Variants in HYCC2 observed in about 807,000 individuals in gnomAD.
The protein encoded by HYCC2 is hyccin 2.
At chr2:200,981,639 A>G in the HYCC2 span, 5 of 1,614,060 alleles carry the variant, frequency 3.1e-6, no homozygotes, top group Non-Finnish European at 4.2e-6. The surrounding 1 kb of genome is among the most constrained non-coding windows in gnomAD (Gnocchi z 4.5). Context: ...GTTGCTGTAC[A>G]TACTGCTTGC....
At chr2:201,024,101 T>G in the HYCC2 span, 1 of 905,318 alleles carries the variant, frequency 1.1e-6, no homozygotes, top group South Asian at 1.4e-5. Flanking sequence ...TAGAAATAAA[T>G]GATATGTGCC....
chr2:201,007,670 G>A, the HYCC2 span, among the ~76,000 whole-genome samples: 5 of 152,126 alleles, frequency 3.3e-5, no homozygotes, highest in East Asian at 1.9e-4. Context: ...ACTTCAGGCC[G>A]GACTGACCAC....
the HYCC2 span, among the ~76,000 whole-genome samples, chr2:200,995,663 A>T: frequency 6.6e-6 from 1 of 152,144 alleles, no homozygotes; most frequent in African/African-American, 2.4e-5. Flanking sequence ...AGCCACAGGA[A>T]CTCAATTCTG....
the HYCC2 span, chr2:201,008,922 T>C: frequency 6.7e-6 from 7 of 1,049,128 alleles, no homozygotes; most frequent in Middle Eastern, 4.0e-4. Flanking sequence ...CATATATATA[T>C]TCATGCATAC....
At chr2:200,981,224 T>C in the HYCC2 span, 1 of 1,579,192 alleles carries the variant, frequency 6.3e-7, no homozygotes, top group Non-Finnish European at 8.6e-7. This position sits in a 1 kb window ranked among gnomAD's most constrained non-coding sequence, Gnocchi z 4.5. Flanking sequence ...CACAATGAAA[T>C]GTTCAGTTTA....
chr2:200,990,174 A>T, the HYCC2 span, among the ~76,000 whole-genome samples: 2 of 152,226 alleles, frequency 1.3e-5, no homozygotes, highest in Admixed American at 6.5e-5. Context: ...TGCAATTAGA[A>T]ATAAAACTGT....
chr2:201,033,371 ATTTAT>A, the HYCC2 span, among the ~76,000 whole-genome samples: 12,254 of 144,050 alleles, frequency 0.085, 961 homozygotes, highest in African/African-American at 0.2. Context: ...TGCTTGGCTA[ATTTAT>A]TTTATTTTAT....
At chr2:201,040,358 A>C in the HYCC2 span, among the ~76,000 whole-genome samples, 1 of 152,042 alleles carries the variant, frequency 6.6e-6, no homozygotes, top group African/African-American at 2.4e-5. Context: ...TTATTAATTC[A>C]TTTGAAAATA....
At chr2:201,005,937 G>A in the HYCC2 span, among the ~76,000 whole-genome samples, 1 of 151,674 alleles carries the variant, frequency 6.6e-6, no homozygotes, top group East Asian at 1.9e-4. Flanking sequence ...GGGTTCAAGC[G>A]ATTCTCCTGT....
the HYCC2 span, among the ~76,000 whole-genome samples, chr2:201,026,614 C>T: frequency 2.6e-5 from 4 of 152,178 alleles, no homozygotes; most frequent in Admixed American, 2.6e-4. Context: ...AACAAACTGT[C>T]TTTCAGACCA....
At chr2:201,042,463 G>C in the HYCC2 span, among the ~76,000 whole-genome samples, 5 of 151,622 alleles carry the variant, frequency 3.3e-5, no homozygotes, top group African/African-American at 1.2e-4. Flanking sequence ...CCCCGTCTGA[G>C]ATGTGAAGAG....
chr2:200,991,619 C>T, the HYCC2 span, among the ~76,000 whole-genome samples: 1 of 151,810 alleles, frequency 6.6e-6, no homozygotes, highest in Non-Finnish European at 1.5e-5. Flanking sequence ...CCTACAATCC[C>T]AGCTACTTGG....
At chr2:201,021,148 T>C in the HYCC2 span, among the ~76,000 whole-genome samples, 1 of 152,232 alleles carries the variant, frequency 6.6e-6, no homozygotes, top group Non-Finnish European at 1.5e-5. Context: ...AGTATGTTTG[T>C]TTCTTTCAGA....
At chr2:200,997,523 A>G in the HYCC2 span, 2 of 1,612,566 alleles carry the variant, frequency 1.2e-6, no homozygotes, top group South Asian at 1.1e-5. Context: ...CAGCATGAGA[A>G]AACTCAGGAC....
At chr2:201,029,480 G>A in the HYCC2 span, among the ~76,000 whole-genome samples, 9 of 152,250 alleles carry the variant, frequency 5.9e-5, no homozygotes, top group South Asian at 1.2e-3. Flanking sequence ...ACATGCACAC[G>A]TATGTTTATT....
chr2:200,981,044 G>A, the HYCC2 span: 1 of 587,008 alleles, frequency 1.7e-6, no homozygotes, highest in South Asian at 2.0e-5. The surrounding 1 kb of genome is among the most constrained non-coding windows in gnomAD (Gnocchi z 4.5). Flanking sequence ...ATTTTATACT[G>A]CTTCACAAAC....
the HYCC2 span, chr2:201,023,920 A>G: frequency 6.7e-7 from 1 of 1,487,448 alleles, no homozygotes; most frequent in African/African-American, 1.4e-5. Context: ...ACTGATGTAT[A>G]GAAAAATATA....
chr2:200,983,152 G>T, the HYCC2 span, among the ~76,000 whole-genome samples: 4 of 152,182 alleles, frequency 2.6e-5, no homozygotes, highest in Non-Finnish European at 5.9e-5. Flanking sequence ...TTCTCTTACT[G>T]AAAGTATGAT....
chr2:201,022,107 G>A, the HYCC2 span: 1 of 1,289,414 alleles, frequency 7.8e-7, no homozygotes, highest in Non-Finnish European at 1.0e-6. Flanking sequence ...CACTCTTGGA[G>A]GCTGTATCTG....
Sources: allele counts gnomAD v4.1 joint callset (sites outside exome capture counted in the v4.1 genomes callset), GRCh38; gene constraint gnomAD v4.1.1; non-coding constraint Gnocchi (gnomAD v3.1); transcripts MANE v1.5; gene names NCBI Gene and HGNC (gene_info 2026-07-23, HGNC 2026-07-21).